ARPP21: variants seen among roughly 807,000 people sequenced by gnomAD.
ARPP21 encodes cAMP-regulated phosphoprotein 21.
In ARPP21, 69 loss-of-function variants were observed where a neutral mutation model predicts 113.2. The ratio of observed to expected loss-of-function variants is 0.61; its 90% CI spans 0.50 to 0.74. The LOEUF is 0.74. ARPP21 is among the 30% of genes least tolerant of loss of function. The probability of loss-of-function intolerance (pLI) is 0.00; values close to 1 mark genes in which losing one functional copy is unlikely to be tolerated. For synonymous variants in ARPP21, 368 were observed against 375.5 expected, an observed-to-expected ratio of 0.98 and a Z score of 0.23; for missense variants, 1,070 against 1,037.4, an observed-to-expected ratio of 1.03 and a Z score of -0.43.
chr3:35,691,094 A>G (rs1193846002), intron 9 of ARPP21, 89 bp downstream of exon 9: 7 of 1,365,436 alleles, frequency 5.1e-6, no homozygotes, highest in Non-Finnish European at 6.9e-6. Flanking sequence ...ACAGTACATG[A>G]CATTTAAAAT....
chr3:35,642,472 T>C (rs1006490609), intron 1 of ARPP21: 3 of 152,148 alleles, frequency 2.0e-5, no homozygotes, highest in Non-Finnish European at 2.9e-5. Flanking sequence ...TGAATGGAAA[T>C]ATGGATTTTT....
rs558223956 is a variant in ARPP21 at position 35,658,213 on chromosome 3, T to C, written c.-213+17815T>C. ...GTGATGGCAGGCAGTGGAAAAAGCATGGGTTTTTGAGAACTGTGTTTGAAT... is the reference window on the plus strand; with the variant it reads ...GTGATGGCAGGCAGTGGAAAAAGCACGGGTTTTTGAGAACTGTGTTTGAAT... On this transcript the variant is annotated intron_variant, in intron 1 of 20. Transcript: ENST00000684406. Among the ~76,000 whole-genome samples the C allele has an allele frequency of 6.6e-5, 10 of 152,186 alleles. No homozygotes were observed. In the East Asian group the frequency reaches 1.9e-3, roughly 30 times the overall value.
intron 1 of ARPP21, among the ~76,000 whole-genome samples, chr3:35,645,462 G>A (rs982297625): frequency 4.2e-4 from 64 of 151,774 alleles, no homozygotes; most frequent in African/African-American, 1.5e-3. Context: ...TATATTATGG[G>A]TAATGTTTCT....
At chr3:35,764,553 T>G (rs2095889096) in intron 19 of ARPP21, among the ~76,000 whole-genome samples, 1 of 152,136 alleles carries the variant, frequency 6.6e-6, no homozygotes, top group Non-Finnish European at 1.5e-5. Context: ...AGATACTGAT[T>G]TATGACAGTG....
chr3:35,771,501 G>A (rs1253207910), intron 19 of ARPP21, among the ~76,000 whole-genome samples: 2 of 151,992 alleles, frequency 1.3e-5, no homozygotes, highest in Admixed American at 6.6e-5. Context: ...GCTAATTTTT[G>A]TATTTTTAGT....
intron 19 of ARPP21, among the ~76,000 whole-genome samples, chr3:35,769,166 G>A (rs1042448235): frequency 2.0e-5 from 3 of 152,110 alleles, no homozygotes; most frequent in South Asian, 2.1e-4. Flanking sequence ...ATCTGAGACC[G>A]AGAAAGTAGA....
rs1027689426 is a variant in ARPP21, at chr3:35,715,117, A to G, written c.898-322A>G. 3.3e-4 allele frequency: 81 copies of G among 242,530 alleles called. No homozygotes were observed. In the Middle Eastern group the frequency reaches 4.8e-3, roughly 14 times the overall value. 15.0% of individuals were successfully genotyped at this position (242,530 alleles called of 1,614,324 possible). On this transcript the variant is annotated intron_variant, in intron 11 of 20. Coordinates refer to ENST00000684406, the MANE Select transcript of ARPP21 (RefSeq NM_001385562.1). ...GTGGCTGCAGCTCTGCAGCTCCAGA[A>G]GAAACCACTAGCTCGGAATCCGACG...
chr3:35,742,479 T>C (rs903475030), intron 18 of ARPP21, among the ~76,000 whole-genome samples: 3 of 152,182 alleles, frequency 2.0e-5, no homozygotes, highest in Non-Finnish European at 4.4e-5. Context: ...AGGTATACAA[T>C]GACTTAGTTG....
rs188592147 is a variant in ARPP21 at position 35,729,430 on chromosome 3, T to A, written c.1353T>A (p.Asn451Lys). The change falls in exon 15 of 21, where the codon AAT becomes AAA. Residue 451 changes from asparagine to lysine, a missense_variant. Transcript: ENST00000684406. ...CAGGCTGTGTGCCTTATCCAGAGAA[T>A]GGAATAGGGGGCCAGGTTGCTCCCA... ...GSPGCVPYPE[N>K]GIGGQVAPSS... is the part of the protein sequence containing the mutation. 16 of 1,614,148 alleles carry A rather than the reference T, an allele frequency of 9.9e-6. No individual in the cohort carries two copies. In the African/African-American group the frequency reaches 2.0e-4, roughly 20 times the overall value.
At chr3:35,682,599 C>T in intron 3 of ARPP21, 1 of 401,934 alleles carries the variant, frequency 2.5e-6, no homozygotes, top group Non-Finnish European at 4.4e-6. Flanking sequence ...CTGGCTTTTC[C>T]TTGTCCCCTT....
chr3:35,742,971 G>T (rs1667500022), intron 18 of ARPP21, among the ~76,000 whole-genome samples: 1 of 152,148 alleles, frequency 6.6e-6, no homozygotes, highest in South Asian at 2.1e-4. Flanking sequence ...ATTTGATTTG[G>T]ATCATAATCA....
intron 10 of ARPP21, chr3:35,707,661 T>C: frequency 2.5e-6 from 1 of 401,250 alleles, no homozygotes; most frequent in Non-Finnish European, 5.1e-6. Flanking sequence ...GTAAATTGTC[T>C]GCTTGTTTTG....
intron 14 of ARPP21, among the ~76,000 whole-genome samples, chr3:35,725,806 C>A (rs1408389659): frequency 6.6e-6 from 1 of 152,154 alleles, no homozygotes; most frequent in African/African-American, 2.4e-5. Flanking sequence ...CCTGTGGCTA[C>A]CCCCTAGGGT....
chr3:35,791,160 A>G (rs1027119577), intron 19 of ARPP21, among the ~76,000 whole-genome samples: 6 of 152,240 alleles, frequency 3.9e-5, no homozygotes, highest in African/African-American at 1.4e-4. Context: ...TTTTATAAAG[A>G]CTATAATATA....
At position 35,794,288 on chromosome 3, in the gene ARPP21, C is replaced by T; in HGVS notation, c.*330C>T. The T allele has an allele frequency of 3.5e-6, 1 of 282,470 alleles. No individual in the cohort carries two copies. The highest frequency in any genetic ancestry group is 6.7e-6 in the Non-Finnish European group (1 of 149,756). The allele number at this position is 282,470 out of a possible 1,614,324, so 17.5% of individuals were successfully genotyped here. ...TGTACTTTGTGTTGAGTTTGTGATG[C>T]TAAAAGTATTTAAAAATTATATACT... On this transcript the variant is annotated 3_prime_UTR_variant, in exon 21 of 21. Transcript: ENST00000684406.
At chr3:35,710,542 AACACAC>A (rs3086903) in intron 11 of ARPP21, among the ~76,000 whole-genome samples, 29,717 of 132,840 alleles carry the variant, frequency 0.22, 3,056 homozygotes, top group South Asian at 0.37. Flanking sequence ...CTCTCTCTCA[AACACAC>A]ACACACACAC....
chr3:35,720,060 G>A (rs2092902029), intron 13 of ARPP21, among the ~76,000 whole-genome samples: 1 of 152,164 alleles, frequency 6.6e-6, no homozygotes, highest in Non-Finnish European at 1.5e-5. Context: ...CATTGGTGAA[G>A]GTCTGGCATT....
intron 13 of ARPP21, among the ~76,000 whole-genome samples, chr3:35,720,748 G>T (rs1011745377): frequency 6.6e-6 from 1 of 152,128 alleles, no homozygotes; most frequent in African/African-American, 2.4e-5. Flanking sequence ...ATGCAATTTT[G>T]CATATTTCTT....
chr3:35,665,310 A>G (rs558363360), intron 1 of ARPP21, among the ~76,000 whole-genome samples: 2 of 152,262 alleles, frequency 1.3e-5, no homozygotes, highest in South Asian at 4.1e-4. Context: ...TATGATAACA[A>G]GATCATAAGC....
Sources: gnomAD v4.1 joint callset for allele counts (sites outside exome capture counted in the v4.1 genomes callset) on GRCh38, gnomAD v4.1.1 for gene constraint, MANE v1.5 for transcripts, NCBI Gene and HGNC (gene_info 2026-07-23, HGNC 2026-07-21) for gene names.